GLP2R: variants seen among roughly 807,000 people sequenced by gnomAD.
GLP2R encodes the protein glucagon-like peptide 2 receptor.
GLP2R carries 59 observed loss-of-function variants against 68.2 expected under a neutral mutation model. The observed-to-expected ratio is 0.87, with a 90% CI of 0.70 to 1.07. GLP2R has a LOEUF of 1.07. Ranked by LOEUF, GLP2R falls within the 50% of genes least tolerant of loss-of-function variation. The pLI is 0.00. For missense variants in GLP2R, 548 were observed against 677.4 expected (o/e 0.81, Z 2.12); for synonymous variants, 270 against 265.4 (o/e 1.02, Z -0.17).
chr17:9,838,245 T>C (rs1659063332), intron 3 of GLP2R, among the ~76,000 whole-genome samples: 1 of 152,178 alleles, frequency 6.6e-6, no homozygotes, highest in Non-Finnish European at 1.5e-5. Context: ...CTTTGGAGAC[T>C]TTGGGCAAAT....
At chr17:9,867,144 A>G (rs3826534) in intron 9 of GLP2R, among the ~76,000 whole-genome samples, 37,744 of 152,082 alleles carry the variant, frequency 0.25, 7,261 homozygotes, top group African/African-American at 0.52. Context: ...GCCTGGGCCC[A>G]ATTTTGGGGA....
intron 11 of GLP2R, among the ~76,000 whole-genome samples, chr17:9,884,469 C>T (rs1437637543): frequency 2.6e-5 from 4 of 152,168 alleles, no homozygotes; most frequent in Admixed American, 2.0e-4. Flanking sequence ...CATAGTGCCT[C>T]TCAGGTGCCT....
At chr17:9,845,735 A>ATG (rs1233491749) in intron 4 of GLP2R, among the ~76,000 whole-genome samples, 4 of 125,892 alleles carry the variant, frequency 3.2e-5, no homozygotes, top group Non-Finnish European at 6.7e-5. Context: ...GGTTGGATTT[A>ATG]TGTGTGTGTG....
chr17:9,854,624 T>A (rs1339485258), intron 5 of GLP2R, 23 bp downstream of exon 5: 1 of 1,359,824 alleles, frequency 7.4e-7, no homozygotes, highest in East Asian at 2.3e-5. Flanking sequence ...TCTGCAGGCA[T>A]GTGTTCGGGC....
chr17:9,875,553 A>G (rs1383353873), intron 10 of GLP2R, among the ~76,000 whole-genome samples: 1 of 152,218 alleles, frequency 6.6e-6, no homozygotes, highest in African/African-American at 2.4e-5. Context: ...AGTTGCTAGG[A>G]GCTAGAGAAC....
intron 4 of GLP2R, chr17:9,853,052 C>T: frequency 1.2e-5 from 6 of 511,650 alleles, no homozygotes; most frequent in South Asian, 9.3e-5. Flanking sequence ...CCATGGAAAC[C>T]ATTGGCTGTA....
chr17:9,884,679 C>A (rs1265643437), intron 11 of GLP2R, among the ~76,000 whole-genome samples: 3 of 150,020 alleles, frequency 2.0e-5, no homozygotes, highest in African/African-American at 7.6e-5. Flanking sequence ...AGCAGTTGGA[C>A]AATATTTTTT....
At chr17:9,834,406 A>G (rs2066707888) in intron 2 of GLP2R, 1 of 165,194 alleles carries the variant, frequency 6.1e-6, no homozygotes, top group Non-Finnish European at 1.3e-5. Flanking sequence ...GAATCTGTTA[A>G]AGGAATGGGG....
chr17:9,867,685 T>C (rs925971691), intron 9 of GLP2R, among the ~76,000 whole-genome samples: 1 of 152,212 alleles, frequency 6.6e-6, no homozygotes, highest in Admixed American at 6.5e-5. Flanking sequence ...TGCAAGGTCA[T>C]TCTATCCATA....
At chr17:9,852,672 C>A in intron 4 of GLP2R, 2 of 203,138 alleles carry the variant, frequency 9.8e-6, no homozygotes, top group Non-Finnish European at 2.0e-5. Context: ...GTTATTTAAT[C>A]TTGGTGTTGA....
At chr17:9,853,701 A>C (rs934371719) in intron 4 of GLP2R, among the ~76,000 whole-genome samples, 15 of 152,248 alleles carry the variant, frequency 9.9e-5, no homozygotes, top group Admixed American at 7.2e-4. Flanking sequence ...TCCTATATCT[A>C]TTATTAAAAT....
chr17:9,874,177 G>T (rs1010866025), intron 10 of GLP2R, among the ~76,000 whole-genome samples: 2 of 152,146 alleles, frequency 1.3e-5, no homozygotes, highest in Non-Finnish European at 2.9e-5. Context: ...GCCCTGGAGG[G>T]TGCGTACCCA....
At chr17:9,852,813 T>A (rs72822164) in intron 4 of GLP2R, 22 of 279,422 alleles carry the variant, frequency 7.9e-5, no homozygotes, top group South Asian at 2.1e-4. Flanking sequence ...CATCATCATC[T>A]TCATCATCAT....
rs1034279251 is a variant in GLP2R, at chr17:9,866,976, A to C, written c.1057-3771A>C. On this transcript the variant is annotated intron_variant, in intron 9 of 12. Transcript: ENST00000262441. ...CAATAAAATAAAATAAGATAAAATAAATCTTTATTGTGTTAAGAAAAAAAT... is the reference window on the plus strand; with the variant it reads ...CAATAAAATAAAATAAGATAAAATACATCTTTATTGTGTTAAGAAAAAAAT... 5.3e-5 allele frequency: 8 copies of C among 152,230 alleles called. 1 individual carries two copies. Among genetic ancestry groups the C allele is most frequent in the Non-Finnish European group, 1.2e-4 (8 of 68,044 alleles). The allele number at this position is 152,230 out of a possible 1,614,324, so 9.4% of individuals were successfully genotyped here.
intron 2 of GLP2R, among the ~76,000 whole-genome samples, chr17:9,835,294 T>C (rs1018577185): frequency 3.3e-5 from 5 of 152,038 alleles, no homozygotes; most frequent in Non-Finnish European, 5.9e-5. Flanking sequence ...TTTAGCCTAA[T>C]AGGGAGCAGA....
intron 4 of GLP2R, among the ~76,000 whole-genome samples, chr17:9,848,478 T>A (rs1340492702): frequency 6.6e-6 from 1 of 152,130 alleles, no homozygotes; most frequent in Non-Finnish European, 1.5e-5. Flanking sequence ...ATGATTCTAA[T>A]ATGCAGCCAA....
intron 4 of GLP2R, among the ~76,000 whole-genome samples, chr17:9,848,143 G>T (rs2066858483): frequency 6.6e-6 from 1 of 152,236 alleles, no homozygotes; most frequent in Non-Finnish European, 1.5e-5. Context: ...AAAGGGATCA[G>T]AAGGACACCT....
At chr17:9,860,933 C>T (rs1192213582) in intron 7 of GLP2R, among the ~76,000 whole-genome samples, 1 of 152,128 alleles carries the variant, frequency 6.6e-6, no homozygotes, top group Non-Finnish European at 1.5e-5. Flanking sequence ...CAGTCGCTTT[C>T]CCCCTCTGGG....
At chr17:9,842,381 C>A (rs897570081) in intron 3 of GLP2R, 114 bp from the exon 4 acceptor site, 1 of 1,338,614 alleles carries the variant, frequency 7.5e-7, no homozygotes, top group African/African-American at 1.5e-5. Flanking sequence ...TAATGAGCCC[C>A]CAAAAGGGGA....
Sources: gnomAD v4.1 joint callset for allele counts (sites outside exome capture counted in the v4.1 genomes callset) on GRCh38, gnomAD v4.1.1 for gene constraint, MANE v1.5 for transcripts, NCBI Gene and HGNC (gene_info 2026-07-23, HGNC 2026-07-21) for gene names.